Variants in MARCHF3 observed in about 807,000 individuals in gnomAD.
MARCHF3 encodes E3 ubiquitin-protein ligase MARCHF3.
MARCHF3 carries 13 observed loss-of-function variants against 24.2 expected under a neutral mutation model. That is an observed-to-expected ratio of 0.54 (90% CI 0.35 to 0.85). The LOEUF (loss-of-function observed/expected upper bound fraction) is 0.85. Ranked by LOEUF, MARCHF3 falls within the 40% of genes least tolerant of loss-of-function variation. The pLI is 0.01. For missense variants in MARCHF3, 276 were observed against 325.0 expected (o/e 0.85, Z 1.16); for synonymous variants, 144 against 137.3 (o/e 1.05, Z -0.34).
chr5:126,905,658 T>C (rs987362485), intron 3 of MARCHF3, among the ~76,000 whole-genome samples: 3 of 152,068 alleles, frequency 2.0e-5, no homozygotes, highest in East Asian at 1.9e-4. Context: ...TTTTTGTACA[T>C]TGATTTTGTA....
chr5:126,974,133 A>G (rs1478229968), intron 1 of MARCHF3, among the ~76,000 whole-genome samples: 1 of 151,654 alleles, frequency 6.6e-6, no homozygotes, highest in Non-Finnish European at 1.5e-5. Flanking sequence ...TCCTGACCTC[A>G]TGATCCACCC....
intron 1 of MARCHF3, among the ~76,000 whole-genome samples, chr5:127,020,777 G>A (rs1752777009): frequency 6.6e-6 from 1 of 152,092 alleles, no homozygotes; most frequent in African/African-American, 2.4e-5. Context: ...CTTGAGCTCG[G>A]GAGGTTAAGA....
intron 3 of MARCHF3, among the ~76,000 whole-genome samples, chr5:126,908,302 G>C (rs1312863917): frequency 6.6e-6 from 1 of 152,042 alleles, no homozygotes; most frequent in Non-Finnish European, 1.5e-5. Context: ...ATGTGTCTTG[G>C]AGTTGCTCTT....
At chr5:127,023,712 C>T (rs1321572376) in intron 1 of MARCHF3, among the ~76,000 whole-genome samples, 1 of 150,506 alleles carries the variant, frequency 6.6e-6, no homozygotes, top group Non-Finnish European at 1.5e-5. Flanking sequence ...GCCTGGGTGA[C>T]ATAGCGAGAT....
intron 1 of MARCHF3, among the ~76,000 whole-genome samples, chr5:126,923,555 G>T (rs1415124330): frequency 6.6e-6 from 1 of 152,212 alleles, no homozygotes; most frequent in Non-Finnish European, 1.5e-5. Context: ...GCAGTCTGGA[G>T]CAAGTCTGGA....
intron 1 of MARCHF3, among the ~76,000 whole-genome samples, chr5:126,996,220 GAAAGTTAT>G (rs1751943328): frequency 6.6e-6 from 1 of 152,152 alleles, no homozygotes; most frequent in Non-Finnish European, 1.5e-5. Flanking sequence ...GAAAGAGCAG[GAAAGTTAT>G]AGAGGAAAGA....
At chr5:126,946,490 A>G (rs926359018) in intron 1 of MARCHF3, 12 of 152,058 alleles carry the variant, frequency 7.9e-5, no homozygotes, top group African/African-American at 2.9e-4. Flanking sequence ...TGAAGTCACC[A>G]TGTAAAACTT....
chr5:127,022,258 A>G (rs1243674192), intron 1 of MARCHF3, among the ~76,000 whole-genome samples: 2 of 152,240 alleles, frequency 1.3e-5, no homozygotes, highest in Non-Finnish European at 1.5e-5. Flanking sequence ...GAATGCTCTA[A>G]GCAAGTCCTT....
At chr5:126,884,173 TG>T (rs1040042986) in intron 3 of MARCHF3, among the ~76,000 whole-genome samples, 2 of 152,224 alleles carry the variant, frequency 1.3e-5, no homozygotes, top group Non-Finnish European at 2.9e-5. Context: ...ATAGGTTTCT[TG>T]CATGATTTAA....
intron 1 of MARCHF3, among the ~76,000 whole-genome samples, chr5:126,970,810 TC>T (rs1169661610): frequency 6.6e-6 from 1 of 152,198 alleles, no homozygotes; most frequent in Admixed American, 6.5e-5. Flanking sequence ...TTTTCCTACT[TC>T]CTGTCATTTC....
chr5:126,945,140 C>T (rs1361562154), intron 1 of MARCHF3, among the ~76,000 whole-genome samples: 1 of 152,228 alleles, frequency 6.6e-6, no homozygotes, highest in African/African-American at 2.4e-5. Context: ...CCACAGCCAG[C>T]TCGTACTGTC....
At chr5:126,887,728 C>A (rs1200873678) in intron 3 of MARCHF3, among the ~76,000 whole-genome samples, 1 of 152,206 alleles carries the variant, frequency 6.6e-6, no homozygotes, top group Non-Finnish European at 1.5e-5. Context: ...CTAGCTCCTA[C>A]CTCAGAGCCT....
At chr5:126,973,090 G>C (rs1173978653) in intron 1 of MARCHF3, among the ~76,000 whole-genome samples, 1 of 152,108 alleles carries the variant, frequency 6.6e-6, no homozygotes, top group Non-Finnish European at 1.5e-5. Context: ...CTGAATATAA[G>C]ACCTAATTCC....
chr5:126,992,880 T>G (rs1261420535), intron 1 of MARCHF3, among the ~76,000 whole-genome samples: 1 of 149,858 alleles, frequency 6.7e-6, no homozygotes, highest in Non-Finnish European at 1.5e-5. Context: ...CACGCCATTC[T>G]CCTGCCTCAG....
At position 126,979,082 on chromosome 5, in the gene MARCHF3, G is replaced by A. The variant is rs549677559; in HGVS notation, c.-57+51268C>T. ...ATTTCTCAAGGTAGGTGTTGCACAC[G>A]GACTTTCCTTAATTTAATATGATGT... On this transcript the variant is annotated intron_variant, in intron 1 of 4. Coordinates refer to ENST00000308660, the MANE Select transcript of MARCHF3 (RefSeq NM_178450.5). 6.6e-5 allele frequency among the ~76,000 whole-genome samples: 10 copies of A among 152,256 alleles called. No individual in the cohort carries two copies. In the East Asian group the frequency reaches 1.5e-3, roughly 23 times the overall value.
intron 1 of MARCHF3, among the ~76,000 whole-genome samples, chr5:127,003,143 G>A (rs79923897): frequency 1.3e-5 from 2 of 150,432 alleles, no homozygotes; most frequent in Non-Finnish European, 3.0e-5. Context: ...AAAAAAAAAA[G>A]CTCAGAGGTG....
At chr5:127,017,711 C>T (rs73787407) in intron 1 of MARCHF3, among the ~76,000 whole-genome samples, 3,527 of 152,246 alleles carry the variant, frequency 0.023, 57 homozygotes, top group Non-Finnish European at 0.027. Context: ...ATCATTAAGT[C>T]GAGGACTATC....
intron 4 of MARCHF3, among the ~76,000 whole-genome samples, chr5:126,876,556 C>T (rs75685887): frequency 0.02 from 2,975 of 152,220 alleles, 50 homozygotes; most frequent in South Asian, 0.036. Context: ...TAGACTCCTT[C>T]ATTTCTTATT....
intron 1 of MARCHF3, among the ~76,000 whole-genome samples, chr5:126,962,817 G>C (rs954746900): frequency 1.8e-4 from 15 of 82,758 alleles, no homozygotes; most frequent in Non-Finnish European, 3.3e-4. Context: ...CTCAACCTGT[G>C]TGTGTGTGTG....
Sources: gnomAD v4.1 joint callset for allele counts (sites outside exome capture counted in the v4.1 genomes callset) on GRCh38, gnomAD v4.1.1 for gene constraint, MANE v1.5 for transcripts, NCBI Gene and HGNC (gene_info 2026-07-23, HGNC 2026-07-21) for gene names.